The following SNX25 variants were observed in gnomAD, a reference collection of about 807,000 sequenced individuals.
SNX25 encodes sorting nexin 25.
Under a neutral mutation model 113.7 loss-of-function variants are expected in SNX25, and 62 were observed. The observed-to-expected ratio is 0.55, with a 90% CI of 0.44 to 0.67. The LOEUF (loss-of-function observed/expected upper bound fraction) is 0.67. SNX25 is among the 30% of genes least tolerant of loss of function. SNX25 has a pLI of 0.00. For synonymous variants in SNX25, 421 were observed against 436.2 expected, an observed-to-expected ratio of 0.97 and a Z score of 0.43; for missense variants, 1,014 against 1,161.0, an observed-to-expected ratio of 0.87 and a Z score of 1.84.
Position 185,339,379 on chromosome 4 carries a change from A to G in SNX25, c.1915A>G (p.Ile639Val), listed in dbSNP as rs2095248708. Residue 639 changes from isoleucine to valine, a missense_variant and splice_region_variant, in exon 11 of 19, where the codon ATT becomes GTT. Physicochemically the swap from Ile to Val is conservative, Grantham distance 29. Coordinates refer to ENST00000652585, the MANE Select transcript of SNX25 (RefSeq NM_001378034.2). ...TCCCAGGATATTTTCCCTGTGGCAG[A>G]TTGTTTCCAAGTTGAAGGATGAAAT... ...IQNAPKPDKK[I>V]VSKLKDEIIL... The G allele has an allele frequency of 6.2e-7, 1 of 1,613,694 alleles. No homozygotes were observed. Among genetic ancestry groups the G allele is most frequent in the South Asian group, 1.1e-5 (1 of 91,036 alleles).
At chr4:185,371,161 G>C (rs1440570813), downstream of SNX25, 1 of 196,652 alleles carries the variant, frequency 5.1e-6, no homozygotes, top group Non-Finnish European at 1.1e-5. Context: ...CTATTTCTTT[G>C]GATCACGTAT....
At chr4:185,337,333 TCACACAA>T (rs144778027) in intron 10 of SNX25, among the ~76,000 whole-genome samples, 396 of 152,366 alleles carry the variant, frequency 2.6e-3, no homozygotes, top group African/African-American at 8.8e-3. Context: ...GTTAGTGGAA[TCACACAA>T]CATTTGTCCT....
At chr4:185,250,107 A>C (rs1322092920) in intron 2 of SNX25, among the ~76,000 whole-genome samples, 2 of 152,186 alleles carry the variant, frequency 1.3e-5, no homozygotes, top group Non-Finnish European at 2.9e-5. Context: ...CAGTTTAATT[A>C]ATGGCTGATC....
Position 185,257,113 on chromosome 4 carries a change from G to A in SNX25, c.515-1735G>A, listed in dbSNP as rs547129193. 1.5e-4 allele frequency among the ~76,000 whole-genome samples: 23 copies of A among 148,810 alleles called. No individual in the cohort carries two copies. In the South Asian group the frequency reaches 4.9e-3, roughly 32 times the overall value. On this transcript the variant is annotated intron_variant, in intron 2 of 18. Transcript: ENST00000652585. ...TGCAGACAAGCAAAGAAAAGCAGGA[G>A]GATAAATTATTTATCTGAAATGACA...
At chr4:185,250,284 C>T (rs1745458750) in intron 2 of SNX25, among the ~76,000 whole-genome samples, 1 of 152,242 alleles carries the variant, frequency 6.6e-6, no homozygotes, top group Non-Finnish European at 1.5e-5. Context: ...GGAATTCTAG[C>T]TCCAAACTCT....
rs1379511839 is a variant in SNX25 at position 185,224,526 on chromosome 4, T to G, written c.429+14271T>G. Among the ~76,000 whole-genome samples the G allele has an allele frequency of 1.3e-3, 138 of 103,410 alleles. 1 individual carries two copies. The East Asian group carries it at 0.014, about 10-fold the overall frequency. 67.8% of individuals were successfully genotyped at this position (103,410 alleles called of 152,430 possible). A position where few individuals can be genotyped will look rare whatever the true frequency, so the allele number is the denominator to read the frequency against. ...AAATATATAGATATATAAATATATA[T>G]ACATATATATAAATATATATACATA... On this transcript the variant is annotated intron_variant, in intron 1 of 18. Coordinates refer to ENST00000652585, the MANE Select transcript of SNX25 (RefSeq NM_001378034.2).
rs772256545 is a variant in SNX25, at chr4:185,346,529, C to T, written c.2188-8C>T. The T allele has an allele frequency of 2.0e-6, 3 of 1,536,758 alleles. No homozygotes were observed. The highest frequency in any genetic ancestry group is 2.0e-5 in the Admixed American group (1 of 50,538). On this transcript the variant is annotated splice_polypyrimidine_tract_variant and splice_region_variant and intron_variant, in intron 12 of 18. Coordinates refer to ENST00000652585, the MANE Select transcript of SNX25 (RefSeq NM_001378034.2). The stretch of plus-strand genomic sequence containing the variant: ...AAAATACTAACATTTCATTTTTTCC[C>T]CCCACAGTGCGTCCCTTCTTTAAAA...
Position 185,264,617 on chromosome 4 carries a change from T to C in SNX25, c.904+7T>C, listed in dbSNP as rs376606579. 6.2e-7 allele frequency: 1 copy of C among 1,613,236 alleles called. No individual in the cohort carries two copies. The highest frequency in any genetic ancestry group is 8.5e-7 in the Non-Finnish European group (1 of 1,179,366). ...GAAATTCTCACAACAAAAGGTAGAC[T>C]TATACAGTTGATTTCACTAATTCAA... On this transcript the variant is annotated splice_region_variant and intron_variant, in intron 4 of 18. Transcript: ENST00000652585.
intron 11 of SNX25, among the ~76,000 whole-genome samples, chr4:185,340,095 C>T (rs951553997): frequency 2.0e-5 from 3 of 152,118 alleles, no homozygotes; most frequent in African/African-American, 7.2e-5. Context: ...TTCTCCCCTG[C>T]CCTACTGTCT....
At chr4:185,332,118 G>A (rs2095199614) in intron 9 of SNX25, among the ~76,000 whole-genome samples, 1 of 152,176 alleles carries the variant, frequency 6.6e-6, no homozygotes, top group South Asian at 2.1e-4. Flanking sequence ...GAATATATCA[G>A]GAGAAGGACT....
intron 1 of SNX25, among the ~76,000 whole-genome samples, chr4:185,230,208 T>C (rs1741630135): frequency 6.6e-6 from 1 of 152,204 alleles, no homozygotes; most frequent in Non-Finnish European, 1.5e-5. Context: ...GGCTTGTTAA[T>C]ACCATTGTGG....
At chr4:185,288,629 A>T (rs920844714) in intron 6 of SNX25, among the ~76,000 whole-genome samples, 8 of 149,904 alleles carry the variant, frequency 5.3e-5, no homozygotes, top group Non-Finnish European at 8.9e-5. Context: ...GGTGGTGTAT[A>T]TATATATTGC....
rs2095103402 is a variant in SNX25 at position 185,319,506 on chromosome 4, G to A, written c.1345-1227G>A. 2.3e-5 allele frequency among the ~76,000 whole-genome samples: 3 copies of A among 132,518 alleles called. No individual in the cohort carries two copies. In the South Asian group the frequency reaches 7.8e-4, roughly 35 times the overall value. 86.9% of individuals were successfully genotyped at this position (132,518 alleles called of 152,430 possible). On this transcript the variant is annotated intron_variant, in intron 7 of 18. Coordinates refer to ENST00000652585, the MANE Select transcript of SNX25 (RefSeq NM_001378034.2). ...GAGCCACCACAGCTGGCCTGGGAAAGTCCATTCTTTTTTTTTTTTTTATCA... is the reference window on the plus strand; with the variant it reads ...GAGCCACCACAGCTGGCCTGGGAAAATCCATTCTTTTTTTTTTTTTTATCA...
At chr4:185,306,845 A>G (rs1334017303) in intron 6 of SNX25, among the ~76,000 whole-genome samples, 1 of 152,260 alleles carries the variant, frequency 6.6e-6, no homozygotes, top group Non-Finnish European at 1.5e-5. Flanking sequence ...GGGGCAAACT[A>G]CATTTACCTT....
Position 185,210,638 on chromosome 4 carries a change from G to A in SNX25, c.429+383G>A, listed in dbSNP as rs974560945. On this transcript the variant is annotated intron_variant, in intron 1 of 18. Transcript: ENST00000652585. The surrounding 1 kb of genome is among the most constrained non-coding windows in gnomAD (Gnocchi z 4.4). ...GCTCTGCGCACGGTCCTGGCGATCCGCTTGGTTCTTCTGGCCGTTCTCGGT... is the reference window on the plus strand; with the variant it reads ...GCTCTGCGCACGGTCCTGGCGATCCACTTGGTTCTTCTGGCCGTTCTCGGT... Among the ~76,000 whole-genome samples the A allele has an allele frequency of 6.6e-6, 1 of 152,006 alleles. No homozygotes were observed. The highest frequency in any genetic ancestry group is 1.5e-5 in the Non-Finnish European group (1 of 68,014).
chr4:185,320,515 A>G (rs922998175), intron 7 of SNX25, among the ~76,000 whole-genome samples: 5 of 152,196 alleles, frequency 3.3e-5, no homozygotes, highest in East Asian at 1.9e-4. Flanking sequence ...GGACTGGTCA[A>G]TAGGTACAGC....
chr4:185,267,826 G>A (rs1045650979), intron 5 of SNX25, among the ~76,000 whole-genome samples: 2 of 152,038 alleles, frequency 1.3e-5, no homozygotes, highest in African/African-American at 2.4e-5. Flanking sequence ...TGATTAGCAC[G>A]TATCTTGTGT....
At position 185,323,759 on chromosome 4, in the gene SNX25, G is replaced by GAA; in HGVS notation, c.1712_1713dup (p.His572AsnfsTer6). The GAA allele has an allele frequency of 6.2e-7, 1 of 1,613,480 alleles. No homozygotes were observed. The highest frequency in any genetic ancestry group is 1.3e-5 in the African/African-American group (1 of 75,018). The stretch of plus-strand genomic sequence containing the variant: ...TGAGAAATTGTTGATAAAAGAGGAA[G>GAA]AAAAACATGCCTCACAGATGATTTC... On this transcript the variant is annotated frameshift_variant, in exon 9 of 19. Transcript: ENST00000652585. LOFTEE classifies it high-confidence loss of function.
At chr4:185,306,003 A>G (rs1007079291) in intron 6 of SNX25, among the ~76,000 whole-genome samples, 1 of 152,198 alleles carries the variant, frequency 6.6e-6, no homozygotes, top group Non-Finnish European at 1.5e-5. Context: ...ATGTTGTGTG[A>G]TTAACCCAGT....
Sources: gnomAD v4.1 joint callset for allele counts (sites outside exome capture counted in the v4.1 genomes callset) on GRCh38, gnomAD v4.1.1 for gene constraint, Gnocchi (gnomAD v3.1) non-coding constraint, MANE v1.5 for transcripts, NCBI Gene and HGNC (gene_info 2026-07-23, HGNC 2026-07-21) for gene names.